The following SYN2 variants were observed in gnomAD, a reference collection of about 807,000 sequenced individuals.
SYN2 encodes the protein synapsin II, also known as synapsin-2.
A neutral mutation model predicts 50.9 loss-of-function variants in SYN2; 19 were observed. That is an observed-to-expected ratio of 0.37 (90% confidence interval 0.26 to 0.55). The LOEUF is 0.55. Ranked by LOEUF, SYN2 falls within the 20% of genes least tolerant of loss-of-function variation. The pLI is 0.81. For missense variants in SYN2, 587 were observed against 576.4 expected, an observed-to-expected ratio of 1.02 and a Z score of -0.19; for synonymous variants, 255 against 224.9, an observed-to-expected ratio of 1.13 and a Z score of -1.20.
intron 5 of SYN2, chr3:12,153,599 A>G (rs780082323): frequency 1.2e-6 from 2 of 1,613,968 alleles, no homozygotes; most frequent in Non-Finnish European, 1.7e-6. Flanking sequence ...CATGCTTCAT[A>G]CAGACATAAT....
At position 12,119,147 on chromosome 3, in the gene SYN2, A is replaced by G. The variant is rs529430088; in HGVS notation, c.378-21504A>G. ...CTATATTATTTTAATAGATCTGCCT[A>G]TCTTCTTTTTCTTTGGTCCTTAGAG... is the stretch of plus-strand genomic sequence containing the variant. On this transcript the variant is annotated intron_variant, in intron 1 of 12. Coordinates refer to ENST00000621198, the MANE Select transcript of SYN2 (RefSeq NM_133625.6). Among the ~76,000 whole-genome samples the G allele has an allele frequency of 2.4e-3, 362 of 151,944 alleles. 2 individuals are homozygous for G. Among genetic ancestry groups the G allele is most frequent in the African/African-American group, 7.2e-3 (300 of 41,462 alleles).
intron 11 of SYN2, chr3:12,185,536 G>C (rs1698324233): frequency 1.0e-6 from 1 of 985,734 alleles, no homozygotes; most frequent in African/African-American, 1.7e-5. Context: ...TCTGTGGCCT[G>C]GGGGACATCT....
At chr3:12,015,341 C>A (rs1158798118) in intron 1 of SYN2, among the ~76,000 whole-genome samples, 1 of 152,190 alleles carries the variant, frequency 6.6e-6, no homozygotes, top group African/African-American at 2.4e-5. Context: ...TCACTTTCGA[C>A]AACACTGAGA....
chr3:12,128,220 C>T (rs139453001), intron 1 of SYN2, among the ~76,000 whole-genome samples: 1 of 152,310 alleles, frequency 6.6e-6, no homozygotes, highest in Non-Finnish European at 1.5e-5. Context: ...GCTGGGATTA[C>T]AGGTGTGAGC....
intron 10 of SYN2, among the ~76,000 whole-genome samples, chr3:12,174,370 C>T (rs187492713): frequency 3.2e-4 from 48 of 152,250 alleles, no homozygotes; most frequent in Admixed American, 2.2e-3. Flanking sequence ...TTATGTAGGC[C>T]CCTACCTGCC....
intron 7 of SYN2, among the ~76,000 whole-genome samples, chr3:12,162,893 A>G (rs1697687856): frequency 6.6e-6 from 1 of 152,252 alleles, no homozygotes; most frequent in Non-Finnish European, 1.5e-5. Flanking sequence ...CATAATACGC[A>G]TAAAATGCAG....
chr3:12,190,350 C>T lies in SYN2; in HGVS notation c.1614-140C>T. ...TCTCCCAGGGTCTTGGTAGCATGGCCACTTCTGGCATTATCCTCCATCACC... is the reference window on the plus strand; with the variant it reads ...TCTCCCAGGGTCTTGGTAGCATGGCTACTTCTGGCATTATCCTCCATCACC... On this transcript the variant is annotated intron_variant, in intron 12 of 12. Coordinates refer to ENST00000621198, the MANE Select transcript of SYN2 (RefSeq NM_133625.6). 3.1e-6 allele frequency: 3 copies of T among 965,306 alleles called. No homozygotes were observed. The South Asian group carries it at 4.2e-5, about 14-fold the overall frequency. 59.8% of individuals were successfully genotyped at this position (965,306 alleles called of 1,614,324 possible). A position where few individuals can be genotyped will look rare whatever the true frequency, so the allele number is the denominator to read the frequency against.
chr3:12,165,970 T>C (rs1002992716), intron 7 of SYN2, among the ~76,000 whole-genome samples: 4 of 152,184 alleles, frequency 2.6e-5, no homozygotes, highest in African/African-American at 9.7e-5. Flanking sequence ...CTCTAACCTT[T>C]CTGAGTCTTA....
intron 1 of SYN2, among the ~76,000 whole-genome samples, chr3:12,138,711 G>A (rs1205197279): frequency 1.3e-5 from 2 of 152,210 alleles, no homozygotes; most frequent in South Asian, 2.1e-4. Context: ...TACGAAATGC[G>A]AGGTTATTGT....
chr3:12,033,938 G>C (rs1224216988), intron 1 of SYN2, among the ~76,000 whole-genome samples: 2 of 152,132 alleles, frequency 1.3e-5, no homozygotes, highest in Non-Finnish European at 2.9e-5. Flanking sequence ...TCAGTTGATG[G>C]ACATTTGGGT....
At chr3:12,153,628 A>G (rs2125227151) in intron 5 of SYN2, 1 of 1,613,708 alleles carries the variant, frequency 6.2e-7, no homozygotes, top group East Asian at 2.2e-5. Flanking sequence ...TGGTAACCAT[A>G]GAGCTTTCGT....
intron 1 of SYN2, among the ~76,000 whole-genome samples, chr3:12,086,601 A>T (rs1695706664): frequency 6.6e-6 from 1 of 152,224 alleles, no homozygotes; most frequent in African/African-American, 2.4e-5. Context: ...TATTAACAAA[A>T]TGAGGGACAA....
At chr3:12,135,514 A>G (rs1696878519) in intron 1 of SYN2, among the ~76,000 whole-genome samples, 1 of 152,176 alleles carries the variant, frequency 6.6e-6, no homozygotes. Context: ...CTTCTGGAGT[A>G]TGTGAATCCA....
At chr3:12,043,158 G>A (rs148011387) in intron 1 of SYN2, among the ~76,000 whole-genome samples, 1 of 151,866 alleles carries the variant, frequency 6.6e-6, no homozygotes, top group Non-Finnish European at 1.5e-5. Flanking sequence ...AAGTAGGTGG[G>A]ACTACTAGTG....
At chr3:12,161,750 G>A in intron 6 of SYN2, 142 bp downstream of exon 6, 9 of 1,094,458 alleles carry the variant, frequency 8.2e-6, no homozygotes, top group Non-Finnish European at 1.2e-5. Context: ...CTAAAGCCAT[G>A]AGTGTCACCC....
chr3:12,150,923 T>C (rs1489872291), intron 4 of SYN2, among the ~76,000 whole-genome samples: 2 of 152,080 alleles, frequency 1.3e-5, no homozygotes, highest in South Asian at 2.1e-4. Context: ...GTTCTGTGAC[T>C]ATAGGCAAGT....
At chr3:12,064,722 G>A (rs1163989292) in intron 1 of SYN2, among the ~76,000 whole-genome samples, 1 of 152,048 alleles carries the variant, frequency 6.6e-6, no homozygotes, top group Non-Finnish European at 1.5e-5. Context: ...AAAAGACAGA[G>A]AATAACAAGT....
chr3:12,049,346 C>T (rs945543663), intron 1 of SYN2, among the ~76,000 whole-genome samples: 5 of 151,694 alleles, frequency 3.3e-5, no homozygotes, highest in African/African-American at 1.2e-4. Context: ...TGGTGAAACT[C>T]GTCTCTACTA....
chr3:12,021,366 C>A (rs1264583781), intron 1 of SYN2, among the ~76,000 whole-genome samples: 1 of 152,148 alleles, frequency 6.6e-6, no homozygotes, highest in Non-Finnish European at 1.5e-5. Context: ...CACTTTGCAG[C>A]ACATGGTATT....
Sources: allele counts gnomAD v4.1 joint callset (sites outside exome capture counted in the v4.1 genomes callset), GRCh38; gene constraint gnomAD v4.1.1; transcripts MANE v1.5; gene names NCBI Gene and HGNC (gene_info 2026-07-23, HGNC 2026-07-21).